Variants in TUSC3 observed in about 807,000 individuals in gnomAD.
TUSC3 encodes tumor suppressor candidate 3, also known as dolichyl-diphosphooligosaccharide--protein glycosyltransferase subunit TUSC3.
Under a neutral mutation model 44.8 loss-of-function variants are expected in TUSC3, and 45 were observed. The observed-to-expected ratio is 1.00, with a 90% CI of 0.79 to 1.29. TUSC3 has a LOEUF of 1.29. TUSC3 is among the 50% of genes most tolerant of loss of function. The pLI is 0.00. For missense variants in TUSC3, 519 were observed against 437.9 expected, an observed-to-expected ratio of 1.19 and a Z score of -1.65; for synonymous variants, 212 against 152.9, an observed-to-expected ratio of 1.39 and a Z score of -2.85.
intron 1 of TUSC3, among the ~76,000 whole-genome samples, chr8:15,587,994 A>G (rs1038809149): frequency 6.6e-6 from 1 of 152,108 alleles, no homozygotes; most frequent in Non-Finnish European, 1.5e-5. Flanking sequence ...GTATCTTGGC[A>G]ATTGTGAATA....
At chr8:15,434,191 T>C (rs975849422) in intron 1 of TUSC3, among the ~76,000 whole-genome samples, 1 of 152,196 alleles carries the variant, frequency 6.6e-6, no homozygotes, top group South Asian at 2.1e-4. Flanking sequence ...GTAATTTTTA[T>C]TACCCTAATT....
At chr8:15,582,383 A>C (rs1318171986) in intron 1 of TUSC3, among the ~76,000 whole-genome samples, 1 of 152,178 alleles carries the variant, frequency 6.6e-6, no homozygotes, top group Non-Finnish European at 1.5e-5. Flanking sequence ...GACTTAAACC[A>C]ATCTTTTATG....
chr8:15,790,071 A>G, the TUSC3 span, among the ~76,000 whole-genome samples: 1 of 150,136 alleles, frequency 6.7e-6, no homozygotes, highest in Non-Finnish European at 1.5e-5. Context: ...ACTTTTAATT[A>G]TTTGCAAGTT....
intron 2 of TUSC3, among the ~76,000 whole-genome samples, chr8:15,512,822 GTGTGTGTGTGTGTATATATATT>G (rs1359641981): frequency 1.2e-3 from 1 of 864 alleles, no homozygotes; most frequent in African/African-American, 1.4e-3. Flanking sequence ...GTCTTGGGGT[GTGTGTGTGTGTGTATATATATT>G]TGTGTGTGTG....
intron 5 of TUSC3, among the ~76,000 whole-genome samples, chr8:15,666,208 C>G: frequency 2.0e-5 from 3 of 151,272 alleles, no homozygotes; most frequent in Middle Eastern, 3.4e-3. Context: ...TCATTTCAAG[C>G]CAGAAAATAT....
chr8:15,502,523 C>G (rs919466297), intron 2 of TUSC3, among the ~76,000 whole-genome samples: 3 of 152,218 alleles, frequency 2.0e-5, no homozygotes, highest in African/African-American at 7.2e-5. Context: ...CGGAGTCTCG[C>G]TCTGTCGCCT....
At chr8:15,528,097 G>C (rs1563274887) in intron 2 of TUSC3, among the ~76,000 whole-genome samples, 1 of 152,050 alleles carries the variant, frequency 6.6e-6, no homozygotes, top group Non-Finnish European at 1.5e-5. Context: ...TGGATTTGTT[G>C]TAATCCTTTA....
chr8:15,553,473 A>G lies in TUSC3; in HGVS notation c.138+12905A>G, dbSNP rs191497427. 8.7e-4 allele frequency among the ~76,000 whole-genome samples: 88 copies of G among 101,054 alleles called. 4 individuals are homozygous for G. Among genetic ancestry groups the G allele is most frequent in the South Asian group, 2.1e-3 (6 of 2,896 alleles). The allele number at this position is 101,054 out of a possible 152,430, so 66.3% of individuals were successfully genotyped here. ...ATGTTCCAAGGAGAGGTCAACAGTG[A>G]TAAGTTTGGACTTTGCTGCTGGAGG... On this transcript the variant is annotated intron_variant, in intron 1 of 10. Coordinates refer to ENST00000503731, the MANE Select transcript of TUSC3 (RefSeq NM_006765.4).
At chr8:15,659,315 T>TA (rs2129178938) in intron 3 of TUSC3, among the ~76,000 whole-genome samples, 192 bp from the exon 4 acceptor site, 1 of 152,226 alleles carries the variant, frequency 6.6e-6, no homozygotes, top group South Asian at 2.1e-4. Context: ...TCAGATAACT[T>TA]AGTCAGATTT....
At chr8:15,747,160 C>T (rs1811450754) in intron 8 of TUSC3, among the ~76,000 whole-genome samples, 1 of 151,998 alleles carries the variant, frequency 6.6e-6, no homozygotes, top group Non-Finnish European at 1.5e-5. Flanking sequence ...ACCTTATGTA[C>T]TCCATGATTG....
intron 9 of TUSC3, among the ~76,000 whole-genome samples, chr8:15,756,298 C>T (rs774323831): frequency 2.6e-5 from 4 of 152,080 alleles, no homozygotes; most frequent in Non-Finnish European, 5.9e-5. Flanking sequence ...TTGGTTAAGC[C>T]TGTTTCTTAA....
At chr8:15,589,991 TTGTC>T (rs1223817749) in intron 1 of TUSC3, among the ~76,000 whole-genome samples, 2 of 152,086 alleles carry the variant, frequency 1.3e-5, no homozygotes, top group African/African-American at 4.8e-5. Context: ...TTTATAATGT[TTGTC>T]TGTAATTTCA....
intron 1 of TUSC3, among the ~76,000 whole-genome samples, chr8:15,578,054 G>A (rs74684415): frequency 0.034 from 4,017 of 118,912 alleles, 1 homozygote; most frequent in South Asian, 0.058. Flanking sequence ...GGATTCCTAG[G>A]TATTTTCTTC....
chr8:15,598,155 A>G (rs1290896081), intron 1 of TUSC3, among the ~76,000 whole-genome samples: 3 of 151,882 alleles, frequency 2.0e-5, no homozygotes, highest in African/African-American at 7.2e-5. Flanking sequence ...GTTTTATGTG[A>G]TCTTTGTCAT....
Position 15,716,253 on chromosome 8 carries a change from C to G in TUSC3, c.799-14413C>G, listed in dbSNP as rs570242383. On this transcript the variant is annotated intron_variant, in intron 6 of 10. Transcript: ENST00000503731. ...CCTGGGCGACAGAGTGAGACTCTTT[C>G]TCCAGAAGAAAAAAACAAAAATTCT... Among the ~76,000 whole-genome samples, 10 of 152,032 alleles carry G rather than the reference C, an allele frequency of 6.6e-5. No individual in the cohort carries two copies. In the South Asian group the frequency reaches 8.3e-4, roughly 13 times the overall value.
the TUSC3 span, among the ~76,000 whole-genome samples, chr8:15,828,445 G>A: frequency 6.6e-6 from 1 of 152,108 alleles, no homozygotes; most frequent in Non-Finnish European, 1.5e-5. Context: ...TTTAAGAGAT[G>A]CCAGCTTGGT....
chr8:15,803,716 C>G, the TUSC3 span, among the ~76,000 whole-genome samples: 1 of 152,092 alleles, frequency 6.6e-6, no homozygotes, highest in African/African-American at 2.4e-5. Context: ...CCTCTTTTGC[C>G]TCACCCCCTG....
intron 8 of TUSC3, among the ~76,000 whole-genome samples, chr8:15,745,863 A>G (rs1029464696): frequency 7.2e-5 from 10 of 138,112 alleles, no homozygotes; most frequent in Admixed American, 1.6e-4. Context: ...GCCAAGGCCA[A>G]TGTTGAGACA....
chr8:15,618,002 A>G (rs1805069114), intron 1 of TUSC3, among the ~76,000 whole-genome samples: 1 of 152,192 alleles, frequency 6.6e-6, no homozygotes, highest in South Asian at 2.1e-4. Context: ...TCGTAACACA[A>G]TAAGAAGTAT....
Sources: allele counts gnomAD v4.1 joint callset (sites outside exome capture counted in the v4.1 genomes callset), GRCh38; gene constraint gnomAD v4.1.1; transcripts MANE v1.5; gene names NCBI Gene and HGNC (gene_info 2026-07-23, HGNC 2026-07-21).